ADGRL2: variants seen among roughly 807,000 people sequenced by gnomAD.
ADGRL2 encodes calcium-independent alpha-latrotoxin receptor 2.
Under a neutral mutation model 157.4 loss-of-function variants are expected in ADGRL2, and 44 were observed. That is an observed-to-expected ratio of 0.28 (90% CI 0.22 to 0.36). The LOEUF is 0.36. Among genes scored for constraint, ADGRL2 ranks in the 10% least tolerant of loss-of-function variants. ADGRL2 has a pLI of 1.00. For missense variants in ADGRL2, 1,510 were observed against 1,768.9 expected, an observed-to-expected ratio of 0.85 and a Z score of 2.63; for synonymous variants, 585 against 624.7, an observed-to-expected ratio of 0.94 and a Z score of 0.95.
intron 1 of ADGRL2, among the ~76,000 whole-genome samples, chr1:81,757,272 T>A (rs969417760): frequency 3.9e-5 from 6 of 152,192 alleles, no homozygotes; most frequent in African/African-American, 1.4e-4. Flanking sequence ...ATGAAGTATG[T>A]AACATCCCAT....
At chr1:81,586,866 C>G (rs1342646836) in intron 3 of ADGRL2, among the ~76,000 whole-genome samples, 1 of 152,072 alleles carries the variant, frequency 6.6e-6, no homozygotes, top group Admixed American at 6.6e-5. Context: ...AAGTTTATTT[C>G]TTAACCCTCC....
intron 1 of ADGRL2, among the ~76,000 whole-genome samples, chr1:81,415,745 A>G (rs570276162): frequency 6.6e-5 from 10 of 152,330 alleles, no homozygotes; most frequent in Non-Finnish European, 7.4e-5. Flanking sequence ...CTGAAATACT[A>G]ATAGAGGCAG....
At chr1:81,628,988 C>T (rs907164106) in intron 3 of ADGRL2, among the ~76,000 whole-genome samples, 2 of 152,098 alleles carry the variant, frequency 1.3e-5, no homozygotes, top group Non-Finnish European at 2.9e-5. Context: ...GTATATTATT[C>T]CTAAGTCTCA....
At chr1:81,694,821 A>T (rs1021641876), upstream of ADGRL2, among the ~76,000 whole-genome samples, 7 of 152,170 alleles carry the variant, frequency 4.6e-5, no homozygotes, top group Non-Finnish European at 1.0e-4. Flanking sequence ...CATTCTCAGC[A>T]ATAAATTAAC....
At chr1:81,896,163 A>C (rs2094384225) in intron 2 of ADGRL2, among the ~76,000 whole-genome samples, 1 of 152,152 alleles carries the variant, frequency 6.6e-6, no homozygotes, top group Admixed American at 6.5e-5. Flanking sequence ...CTTATTCTGT[A>C]ATTGTTTGCT....
intron 1 of ADGRL2, among the ~76,000 whole-genome samples, chr1:81,712,658 A>G (rs1284509611): frequency 6.6e-6 from 1 of 152,020 alleles, no homozygotes; most frequent in African/African-American, 2.4e-5. Context: ...ACTGGGATAT[A>G]TATAACTAGG....
At position 81,952,016 on chromosome 1, in the gene ADGRL2, G is replaced by C; in HGVS notation, c.1668G>C (p.Gly556=). Residue 556 remains glycine, a synonymous_variant, in exon 9 of 24, where the codon GGG becomes GGC. Transcript: ENST00000686636. ...LANELAKHTK[G]PVFAGDVSSS... ...ATGAACTGGCTAAACATACCAAAGGGCCAGTGTTTGCTGGGGATGTAAGTT... is the reference window on the plus strand; with the variant it reads ...ATGAACTGGCTAAACATACCAAAGGCCCAGTGTTTGCTGGGGATGTAAGTT... 1 of 1,613,680 alleles carries C rather than the reference G, an allele frequency of 6.2e-7. No individual in the cohort carries two copies.
chr1:81,640,706 A>G (rs915967785), intron 3 of ADGRL2, among the ~76,000 whole-genome samples: 10 of 152,082 alleles, frequency 6.6e-5, no homozygotes, highest in Non-Finnish European at 7.4e-5. Flanking sequence ...AAGCTCCTAT[A>G]CTAGACCCCA....
rs115918475 is a variant in ADGRL2, at chr1:81,348,406, T to C, written c.-302+41897T>C. 2.1e-3 allele frequency among the ~76,000 whole-genome samples: 327 copies of C among 152,316 alleles called. 1 individual carries two copies. Among genetic ancestry groups the C allele is most frequent in the Non-Finnish European group, 3.8e-3 (257 of 68,030 alleles). On this transcript the variant is annotated intron_variant, in intron 1 of 24. Transcript: ENST00000370721. ...TACTTTTTGACAGTAGCCTTTCTCC[T>C]TCCCGTCTGCTTCACTTCTCTGACC...
chr1:81,581,890 A>G (rs1276761013), intron 3 of ADGRL2, among the ~76,000 whole-genome samples: 3 of 151,654 alleles, frequency 2.0e-5, no homozygotes, highest in African/African-American at 4.8e-5. Flanking sequence ...ACACACACAC[A>G]CACACACACA....
chr1:81,851,373 G>T (rs138416215), intron 2 of ADGRL2, among the ~76,000 whole-genome samples: 40 of 151,908 alleles, frequency 2.6e-4, no homozygotes, highest in African/African-American at 8.4e-4. Context: ...ATATGTTTTA[G>T]AGTATAAGTA....
At chr1:81,930,986 TA>T (rs1229465097) in intron 3 of ADGRL2, among the ~76,000 whole-genome samples, 1 of 151,642 alleles carries the variant, frequency 6.6e-6, no homozygotes, top group African/African-American at 2.4e-5. Context: ...AAAATAAAAA[TA>T]AAAAAATAAA....
chr1:81,696,369 T>C (rs1235100984), upstream of ADGRL2, among the ~76,000 whole-genome samples: 1 of 152,098 alleles, frequency 6.6e-6, no homozygotes, highest in African/African-American at 2.4e-5. Flanking sequence ...AATTCTAGTG[T>C]TTTTCAGGAA....
At chr1:81,731,507 T>C (rs1225730582) in intron 1 of ADGRL2, among the ~76,000 whole-genome samples, 5 of 152,094 alleles carry the variant, frequency 3.3e-5, no homozygotes, top group Non-Finnish European at 4.4e-5. Flanking sequence ...CTATCATCTT[T>C]TTTTTTTGCA....
chr1:81,973,037 A>G (rs1659212408), intron 17 of ADGRL2, among the ~76,000 whole-genome samples: 1 of 152,200 alleles, frequency 6.6e-6, no homozygotes. Context: ...CAAAAACGTA[A>G]CACAAATGAG....
intron 2 of ADGRL2, among the ~76,000 whole-genome samples, chr1:81,537,361 A>C (rs759905870): frequency 9.2e-5 from 14 of 152,156 alleles, no homozygotes; most frequent in African/African-American, 3.4e-4. Flanking sequence ...TTGGCTCACC[A>C]CAACCTCTGC....
At chr1:81,551,438 T>G (rs1347318505) in intron 2 of ADGRL2, among the ~76,000 whole-genome samples, 1 of 152,178 alleles carries the variant, frequency 6.6e-6, no homozygotes, top group Non-Finnish European at 1.5e-5. Flanking sequence ...GAATGTTAGC[T>G]GTCAAGTGAA....
At chr1:81,321,781 T>G (rs1256203325) in intron 1 of ADGRL2, among the ~76,000 whole-genome samples, 1 of 151,548 alleles carries the variant, frequency 6.6e-6, no homozygotes, top group Non-Finnish European at 1.5e-5. Flanking sequence ...CGTGAAATAT[T>G]GTGAGAATTA....
intron 1 of ADGRL2, among the ~76,000 whole-genome samples, chr1:81,414,968 C>T (rs757935237): frequency 2.0e-5 from 3 of 152,116 alleles, no homozygotes; most frequent in Non-Finnish European, 4.4e-5. Flanking sequence ...ATTCATAAGA[C>T]ACCTGCATCT....
Sources: allele counts gnomAD v4.1 joint callset (sites outside exome capture counted in the v4.1 genomes callset), GRCh38; gene constraint gnomAD v4.1.1; transcripts MANE v1.5; gene names NCBI Gene and HGNC (gene_info 2026-07-23, HGNC 2026-07-21).